PCDH7: variants seen among roughly 807,000 people sequenced by gnomAD.
PCDH7 encodes the protein protocadherin-7.
A neutral mutation model predicts 58.9 loss-of-function variants in PCDH7; 17 were observed. The ratio of observed to expected loss-of-function variants is 0.29; its 90% confidence interval spans 0.20 to 0.43. PCDH7 has a LOEUF of 0.43. Ranked by LOEUF, PCDH7 falls within the 20% of genes least tolerant of loss-of-function variation. The pLI, the probability that PCDH7 is intolerant of heterozygous loss-of-function variation, is 1.00. For missense variants in PCDH7, 1,274 were observed against 1,441.0 expected, an observed-to-expected ratio of 0.88 and a Z score of 1.88; for synonymous variants, 664 against 616.4, an observed-to-expected ratio of 1.08 and a Z score of -1.14.
At chr4:31,112,072 G>C (rs529968733) in intron 3 of PCDH7, among the ~76,000 whole-genome samples, 1 of 152,254 alleles carries the variant, frequency 6.6e-6, no homozygotes, top group Admixed American at 6.5e-5. Flanking sequence ...TTAAGTATGG[G>C]AACAGATGCT....
At chr4:30,910,167 A>C (rs2109403968) in intron 1 of PCDH7, among the ~76,000 whole-genome samples, 1 of 152,318 alleles carries the variant, frequency 6.6e-6, no homozygotes, top group Non-Finnish European at 1.5e-5. Context: ...CCTTATACAA[A>C]AATTAACTCA....
intron 3 of PCDH7, among the ~76,000 whole-genome samples, chr4:30,978,488 A>G (rs1750270533): frequency 6.6e-6 from 1 of 152,140 alleles, no homozygotes; most frequent in African/African-American, 2.4e-5. Context: ...ATATTTTTAT[A>G]TTGAGAAGTG....
chr4:31,080,138 G>T (rs991596309), intron 3 of PCDH7, among the ~76,000 whole-genome samples: 1 of 151,958 alleles, frequency 6.6e-6, no homozygotes, highest in Non-Finnish European at 1.5e-5. Context: ...CTTAGAATTA[G>T]TTGGAAATAT....
chr4:30,754,021 T>G (rs1447361), intron 1 of PCDH7, among the ~76,000 whole-genome samples: 22,690 of 152,144 alleles, frequency 0.15, 1,930 homozygotes, highest in East Asian at 0.29. Context: ...TAAAATATAT[T>G]TTTATAAGTT....
chr4:31,087,982 C>T (rs928440138), intron 3 of PCDH7, among the ~76,000 whole-genome samples: 1 of 151,876 alleles, frequency 6.6e-6, no homozygotes, highest in Non-Finnish European at 1.5e-5. Flanking sequence ...GGAGTAGATG[C>T]AGTTAGGATC....
chr4:30,820,109 T>C (rs1158487425), intron 1 of PCDH7, among the ~76,000 whole-genome samples: 1 of 151,934 alleles, frequency 6.6e-6, no homozygotes, highest in Non-Finnish European at 1.5e-5. Context: ...GATAGGAAAA[T>C]TCCTTTGCTA....
At chr4:30,820,653 A>G (rs1378402752) in intron 1 of PCDH7, among the ~76,000 whole-genome samples, 1 of 152,140 alleles carries the variant, frequency 6.6e-6, no homozygotes, top group Non-Finnish European at 1.5e-5. Context: ...TATGTAGGTC[A>G]CAACCATCAC....
At chr4:30,861,744 G>A (rs534345876) in intron 1 of PCDH7, among the ~76,000 whole-genome samples, 1 of 152,096 alleles carries the variant, frequency 6.6e-6, no homozygotes, top group South Asian at 2.1e-4. Context: ...TCATATACAG[G>A]TACATATCAA....
intron 1 of PCDH7, among the ~76,000 whole-genome samples, chr4:30,859,327 T>G (rs2109352873): frequency 6.6e-6 from 1 of 152,294 alleles, no homozygotes; most frequent in South Asian, 2.1e-4. Context: ...ATTAGGTCAA[T>G]AATCTGTCCT....
chr4:30,972,390 C>T (rs1238291843), intron 3 of PCDH7, among the ~76,000 whole-genome samples: 1 of 152,004 alleles, frequency 6.6e-6, no homozygotes, highest in Non-Finnish European at 1.5e-5. Context: ...TTTTCCAATT[C>T]TAAGTCTGTC....
At chr4:31,078,639 ATTTTTTTTTTTTTT>A (rs10709152) in intron 3 of PCDH7, among the ~76,000 whole-genome samples, 1 of 73,564 alleles carries the variant, frequency 1.4e-5, no homozygotes, top group Non-Finnish European at 2.5e-5. Flanking sequence ...ACCATGCCCC[ATTTTTTTTTTTTTT>A]TTTTTTTTTT....
At chr4:31,032,222 C>A in intron 3 of PCDH7, among the ~76,000 whole-genome samples, 1 of 152,154 alleles carries the variant, frequency 6.6e-6, no homozygotes, top group East Asian at 1.9e-4. Context: ...AAATTATACG[C>A]AAGATCATAC....
intron 3 of PCDH7, among the ~76,000 whole-genome samples, chr4:31,056,492 A>AGAAAGAAAGAAG (rs1560608758): frequency 5.1e-5 from 7 of 136,044 alleles, no homozygotes; most frequent in Non-Finnish European, 9.5e-5. Flanking sequence ...AAAGAAAGAA[A>AGAAAGAAAGAAG]GAAAGAAAGA....
intron 3 of PCDH7, among the ~76,000 whole-genome samples, chr4:31,055,578 T>C (rs1415084110): frequency 6.6e-6 from 1 of 151,918 alleles, no homozygotes; most frequent in Admixed American, 6.6e-5. Flanking sequence ...TTTTTTTATT[T>C]TTTTGTTTTT....
intron 3 of PCDH7, among the ~76,000 whole-genome samples, chr4:31,036,619 A>G (rs1359114282): frequency 6.6e-6 from 1 of 152,156 alleles, no homozygotes; most frequent in East Asian, 1.9e-4. Context: ...TGAACTATAT[A>G]ATGTTCATTC....
At chr4:30,995,989 G>T (rs1021608044) in intron 3 of PCDH7, among the ~76,000 whole-genome samples, 2 of 152,074 alleles carry the variant, frequency 1.3e-5, no homozygotes, top group Non-Finnish European at 2.9e-5. Flanking sequence ...GTATTCACAG[G>T]TTCCTGGGAT....
chr4:30,913,527 G>C (rs114600205), intron 1 of PCDH7, among the ~76,000 whole-genome samples: 2,190 of 152,134 alleles, frequency 0.014, 33 homozygotes, highest in Middle Eastern at 0.024. Context: ...TGAAAAAAAG[G>C]TACAGTTTTT....
At chr4:30,940,851 G>A (rs548047389) in intron 2 of PCDH7, among the ~76,000 whole-genome samples, 72 of 152,074 alleles carry the variant, frequency 4.7e-4, no homozygotes, top group African/African-American at 1.7e-3. Flanking sequence ...CCTCGCTCCT[G>A]CAGTTTTATC....
intron 2 of PCDH7, chr4:30,935,207 T>G (rs1163020217): frequency 1.9e-5 from 5 of 257,090 alleles, no homozygotes; most frequent in Non-Finnish European, 2.4e-5. Context: ...TATAGATACC[T>G]TAAAATTGCT....
Sources: allele counts gnomAD v4.1 joint callset (sites outside exome capture counted in the v4.1 genomes callset), GRCh38; gene constraint gnomAD v4.1.1; transcripts MANE v1.5; gene names NCBI Gene and HGNC (gene_info 2026-07-23, HGNC 2026-07-21).